The following ZFHX2 variants were observed in gnomAD, a reference collection of about 807,000 sequenced individuals.
ZFHX2 encodes zinc finger homeobox protein 2.
Under a neutral mutation model 164.8 loss-of-function variants are expected in ZFHX2, and 75 were observed. The observed-to-expected ratio is 0.46, with a 90% confidence interval of 0.38 to 0.55. The LOEUF (loss-of-function observed/expected upper bound fraction) is 0.55, where lower values mean the gene tolerates loss of function less well. Ranked by LOEUF, ZFHX2 falls within the 20% of genes least tolerant of loss-of-function variation. The pLI, the probability that ZFHX2 is intolerant of heterozygous loss-of-function variation, is 0.00. For missense variants in ZFHX2, 2,933 were observed against 3,308.0 expected, an observed-to-expected ratio of 0.89 and a Z score of 2.78; for synonymous variants, 1,217 against 1,351.4, an observed-to-expected ratio of 0.90 and a Z score of 2.18.
At chr14:23,540,474 A>T (rs1411199286) in intron 1 of ZFHX2, among the ~76,000 whole-genome samples, 3 of 152,132 alleles carry the variant, frequency 2.0e-5, no homozygotes, top group Admixed American at 6.5e-5. Flanking sequence ...TTACAAGAGG[A>T]GGTGACCATG....
At chr14:23,527,887 G>GCCC (rs893155551) in intron 6 of ZFHX2, 83 bp from the exon 7 acceptor site, 4 of 1,153,386 alleles carry the variant, frequency 3.5e-6, no homozygotes, top group Non-Finnish European at 4.8e-6. Flanking sequence ...TGCAGCACTG[G>GCCC]CCCGCCCCCA....
intron 3 of ZFHX2, 81 bp downstream of exon 3, chr14:23,532,486 A>G (rs957066763): frequency 3.6e-6 from 5 of 1,385,140 alleles, no homozygotes; most frequent in African/African-American, 2.9e-5. Context: ...GGGTTTTCCT[A>G]TCACTTTCTT....
In ZFHX2 at chr14:23,534,841, G is replaced by T; in HGVS notation, c.485C>A (p.Pro162His). 1 of 1,536,160 alleles carries T rather than the reference G, an allele frequency of 6.5e-7. No individual in the cohort carries two copies. The highest frequency in any genetic ancestry group is 2.4e-5 in the East Asian group (1 of 40,912). Residue 162 changes from proline to histidine, a missense_variant, in exon 2 of 10, where the codon CCC becomes CAC. Transcript: ENST00000419474. This position sits in a 1 kb window ranked among gnomAD's most constrained non-coding sequence, Gnocchi z 4.5. The stretch of plus-strand genomic sequence containing the variant: ...GTGAAGGGCAGTGAGGTGTGAGGGG[G>T]GTGGGTAGGCAAGGAAGGGCAGACT... ...EPSLPFLAYPPPSHLTALHIQ... is the reference protein window; with the variant it reads ...EPSLPFLAYPHPSHLTALHIQ...
At position 23,524,134 on chromosome 14, in the gene ZFHX2, G is replaced by C; in HGVS notation, c.5808C>G (p.Thr1936=). The C allele has an allele frequency of 6.5e-7, 1 of 1,535,996 alleles. No homozygotes were observed. Among genetic ancestry groups the C allele is most frequent in the East Asian group, 2.4e-5 (1 of 40,906 alleles). ...GGTTGAACTTGGGCAAGGATGCAGG[G>C]GTGGCTGTGGCAGGCGGTTTCACTG... is the stretch of plus-strand genomic sequence containing the variant. ...SPAVKPPATA[T]PASLPKFNLL... The change falls in exon 9 of 10, where the codon ACC becomes ACG. Residue 1936 remains threonine (T), a synonymous_variant. Transcript: ENST00000419474. This position sits in a 1 kb window ranked among gnomAD's most constrained non-coding sequence, Gnocchi z 5.6.
Position 23,522,696 on chromosome 14 carries a change from T to G in ZFHX2, c.6985A>C (p.Asn2329His). The change falls in exon 10 of 10, where the codon AAC becomes CAC. Residue 2329 changes from asparagine (N) to histidine (H), a missense_variant. Asn to His is a moderately conservative substitution (Grantham distance 68, BLOSUM62 1). Coordinates refer to ENST00000419474, the MANE Select transcript of ZFHX2 (RefSeq NM_033400.3). ...ACAGTGGTCTTCAATGCTTTGAGGT[T>G]CTTGAGGGCATCATTGGAGGAGCTG... ...PTSSSNDALK[N>H]LKALKTTVPA... 6.5e-7 allele frequency: 1 copy of G among 1,536,588 alleles called. No homozygotes were observed. Among genetic ancestry groups the G allele is most frequent in the Non-Finnish European group, 8.7e-7 (1 of 1,146,938 alleles).
chr14:23,555,356 C>T (rs527903359), upstream of ZFHX2, among the ~76,000 whole-genome samples: 1 of 152,246 alleles, frequency 6.6e-6, no homozygotes, highest in Non-Finnish European at 1.5e-5. Context: ...GCTTAGGGAC[C>T]GCTGGAAACT....
chr14:23,538,522 C>T (rs1281393465), intron 1 of ZFHX2, among the ~76,000 whole-genome samples: 5 of 152,054 alleles, frequency 3.3e-5, no homozygotes, highest in African/African-American at 1.2e-4. Context: ...AGTGCAGAAA[C>T]GGACAGGCCT....
rs1040853395 is a variant in ZFHX2 at position 23,535,587 on chromosome 14, T to A, written c.-49-213A>T. On this transcript the variant is annotated intron_variant, in intron 1 of 9. Coordinates refer to ENST00000419474, the MANE Select transcript of ZFHX2 (RefSeq NM_033400.3). The surrounding 1 kb of genome is among the most constrained non-coding windows in gnomAD (Gnocchi z 4.5). ...TCATTTTATTTATTTTATTTTATTTTATTAATTAATTAATTTTTTTTTGAG... is the reference window on the plus strand; with the variant it reads ...TCATTTTATTTATTTTATTTTATTTAATTAATTAATTAATTTTTTTTTGAG... Among the ~76,000 whole-genome samples the A allele has an allele frequency of 3.3e-5, 5 of 152,124 alleles. No homozygotes were observed. The highest frequency in any genetic ancestry group is 7.4e-5 in the Non-Finnish European group (5 of 68,026).
In ZFHX2 at chr14:23,520,971, C is replaced by T. The variant is rs1156289625; in HGVS notation, c.*991G>A. On this transcript the variant is annotated 3_prime_UTR_variant, in exon 10 of 10. Transcript: ENST00000419474. The surrounding 1 kb of genome is among the most constrained non-coding windows in gnomAD (Gnocchi z 8.7). ...TTTTGTGCGCGTGTGCACGTACTCTCTCTCGCTCTTGCTTTTTTGGTTGTG... is the reference window on the plus strand; with the variant it reads ...TTTTGTGCGCGTGTGCACGTACTCTTTCTCGCTCTTGCTTTTTTGGTTGTG... 2 of 151,402 alleles carry T rather than the reference C, an allele frequency of 1.3e-5. No homozygotes were observed. Among genetic ancestry groups the T allele is most frequent in the Admixed American group, 1.3e-4 (2 of 15,214 alleles). The allele number at this position is 151,402 out of a possible 1,614,324, so 9.4% of individuals were successfully genotyped here.
chr14:23,552,288 AT>A (rs891218317), upstream of ZFHX2, among the ~76,000 whole-genome samples: 930 of 133,990 alleles, frequency 6.9e-3, 5 homozygotes, highest in African/African-American at 0.019. Flanking sequence ...GTGCTCCTGA[AT>A]TTTTTTTTTT....
In ZFHX2 at chr14:23,526,428, T is replaced by G; in HGVS notation, c.3514A>C (p.Thr1172Pro). Residue 1172 changes from threonine (T) to proline (P), a missense_variant, in exon 9 of 10, where the codon ACC becomes CCC. Thr to Pro is a conservative substitution (Grantham distance 38). Coordinates refer to ENST00000419474, the MANE Select transcript of ZFHX2 (RefSeq NM_033400.3). ...GCAAAGTTGGTGGTTTTCCGATAGG[T>G]CAGAGGGTGGCGAGAGTCAGCTGGA... ...PAPADSRHPL[T>P]YRKTTNFALD... 1 of 1,536,152 alleles carries G rather than the reference T, an allele frequency of 6.5e-7. No homozygotes were observed. Among genetic ancestry groups the G allele is most frequent in the Non-Finnish European group, 8.7e-7 (1 of 1,146,824 alleles).
At chr14:23,549,007 T>C (rs1434971511) in intron 1 of ZFHX2, among the ~76,000 whole-genome samples, 1 of 152,138 alleles carries the variant, frequency 6.6e-6, no homozygotes, top group Non-Finnish European at 1.5e-5. Flanking sequence ...TTGCCATCCA[T>C]TTACCTTCTT....
At chr14:23,540,370 T>C (rs1323667405) in intron 1 of ZFHX2, among the ~76,000 whole-genome samples, 5 of 152,196 alleles carry the variant, frequency 3.3e-5, no homozygotes, top group African/African-American at 1.2e-4. Context: ...GGACCTTTTT[T>C]TAAAAATTCC....
At position 23,525,182 on chromosome 14, in the gene ZFHX2, A is replaced by G; in HGVS notation, c.4760T>C (p.Leu1587Pro). Reference protein sequence around the residue: ...IEEEESSRGNLPPLVPAGRRF... With the variant: ...IEEEESSRGNPPPLVPAGRRF... ...GCGGCCGGCAGGCACCAGGGGAGGA[A>G]GATTCCCTCTGGAGCTTTCTTCCTC... Residue 1587 changes from leucine to proline, a missense_variant, in exon 9 of 10, where the codon CTT (leucine) becomes CCT (proline). Transcript: ENST00000419474. This position sits in a 1 kb window ranked among gnomAD's most constrained non-coding sequence, Gnocchi z 5.9. 6.5e-7 allele frequency: 1 copy of G among 1,536,114 alleles called. No homozygotes were observed. Among genetic ancestry groups the G allele is most frequent in the South Asian group, 1.2e-5 (1 of 84,064 alleles).
Position 23,530,165 on chromosome 14 carries a change from G to T in ZFHX2, c.2830C>A (p.Pro944Thr). The T allele has an allele frequency of 2.6e-6, 4 of 1,536,034 alleles. No homozygotes were observed. Among genetic ancestry groups the T allele is most frequent in the Non-Finnish European group, 3.5e-6 (4 of 1,146,842 alleles). The change falls in exon 5 of 10, where the codon CCA becomes ACA. Residue 944 changes from proline (P) to threonine (T), a missense_variant. By Grantham distance (38) the Pro-to-Thr change is conservative (BLOSUM62 -1). Transcript: ENST00000419474. ...GKAPVTPLAE[P>T]PTPEKDAQNK... ...TGGGCATCTTTCTCAGGGGTGGGTG[G>T]CTCAGCTAAGGGGGTGACAGGAGCC...
Position 23,524,487 on chromosome 14 carries a change from C to T in ZFHX2, c.5455G>A (p.Val1819Met), listed in dbSNP as rs1410653506. 1.3e-6 allele frequency: 2 copies of T among 1,530,114 alleles called. No homozygotes were observed. Among genetic ancestry groups the T allele is most frequent in the Non-Finnish European group, 1.7e-6 (2 of 1,143,584 alleles). 94.8% of individuals were successfully genotyped at this position (1,530,114 alleles called of 1,614,324 possible). A position where few individuals can be genotyped will look rare whatever the true frequency, so the allele number is the denominator to read the frequency against. Reference sequence around the variant, plus strand: ...CCTGGCATTGGTGAGGTGGCTGCCACCAGGGGGTTTCTCTCCCCAAACACC... The same window carrying T: ...CCTGGCATTGGTGAGGTGGCTGCCATCAGGGGGTTTCTCTCCCCAAACACC... ...LLVFGERNPL[V>M]AATSPMPGPP... The change falls in exon 9 of 10, where the codon GTG becomes ATG. Residue 1819 changes from valine (V) to methionine (M), a missense_variant. Val to Met is a conservative substitution (Grantham distance 21, BLOSUM62 1). Transcript: ENST00000419474. This position sits in a 1 kb window ranked among gnomAD's most constrained non-coding sequence, Gnocchi z 5.6.
rs1044035542 is a variant in ZFHX2 at position 23,524,546 on chromosome 14, C to T, written c.5396G>A (p.Ser1799Asn). 4.1e-5 allele frequency: 63 copies of T among 1,529,200 alleles called. No homozygotes were observed. The highest frequency in any genetic ancestry group is 5.2e-5 in the Non-Finnish European group (60 of 1,143,092). The allele number at this position is 1,529,200 out of a possible 1,614,324, so 94.7% of individuals were successfully genotyped here. A position where few individuals can be genotyped will look rare whatever the true frequency, so the allele number is the denominator to read the frequency against. The change falls in exon 9 of 10, where the codon AGT becomes AAT. Residue 1799 changes from serine to asparagine, a missense_variant. Transcript: ENST00000419474. The surrounding 1 kb of genome is among the most constrained non-coding windows in gnomAD (Gnocchi z 5.6). ...CAGATCTAGGAGTTGGGGGGGAGCA[C>T]TGGGCTGCAGAGATGGCAGGAAATG... Reference protein sequence around the residue: ...RLHFLPSLQPSAPPQLLDLPL... With the variant: ...RLHFLPSLQPNAPPQLLDLPL...
rs755189124 is a variant in ZFHX2, at chr14:23,523,555, G to A, written c.6387C>T (p.Ala2129=). 26 of 1,537,564 alleles carry A rather than the reference G, an allele frequency of 1.7e-5. No homozygotes were observed. Among genetic ancestry groups the A allele is most frequent in the Middle Eastern group, 1.7e-4 (1 of 6,010 alleles). The change falls in exon 9 of 10, where the codon GCC becomes GCT. Residue 2129 remains alanine, a synonymous_variant. Coordinates refer to ENST00000419474, the MANE Select transcript of ZFHX2 (RefSeq NM_033400.3). The surrounding 1 kb of genome is among the most constrained non-coding windows in gnomAD (Gnocchi z 4.1). ...KEKKAKLQGT[A]AGSTGGSSEG... is the part of the protein sequence containing the mutation. ...CACTGCTGCCCCCAGTGCTCCCAGCGGCTGTCCCCTGTAGTTTGGCCTTCT... is the reference window on the plus strand; with the variant it reads ...CACTGCTGCCCCCAGTGCTCCCAGCAGCTGTCCCCTGTAGTTTGGCCTTCT...
At chr14:23,530,253 A>T (rs1410075065) in intron 4 of ZFHX2, 59 bp from the exon 5 acceptor site, 5 of 1,308,780 alleles carry the variant, frequency 3.8e-6, no homozygotes, top group Non-Finnish European at 5.3e-6. Flanking sequence ...AAGGGAGGAC[A>T]TAGGACAGAG....
Sources: gnomAD v4.1 joint callset for allele counts (sites outside exome capture counted in the v4.1 genomes callset) on GRCh38, gnomAD v4.1.1 for gene constraint, Gnocchi (gnomAD v3.1) non-coding constraint, MANE v1.5 for transcripts, NCBI Gene and HGNC (gene_info 2026-07-23, HGNC 2026-07-21) for gene names.